Variants in WWP2 observed in about 807,000 individuals in gnomAD.
WWP2 encodes the protein WW domain containing E3 ubiquitin protein ligase 2.
WWP2 carries 57 observed loss-of-function variants against 121.0 expected under a neutral mutation model. The observed-to-expected ratio is 0.47, with a 90% CI of 0.38 to 0.59. The LOEUF (loss-of-function observed/expected upper bound fraction) is 0.59. Ranked by LOEUF, WWP2 falls within the 20% of genes least tolerant of loss-of-function variation. The pLI is 0.00. For missense variants in WWP2, 962 were observed against 1,158.9 expected (o/e 0.83, Z 2.47); for synonymous variants, 449 against 441.3 (o/e 1.02, Z -0.22).
chr16:69,814,778 G>A (rs1211247575), intron 4 of WWP2, among the ~76,000 whole-genome samples: 2 of 152,130 alleles, frequency 1.3e-5, no homozygotes, highest in African/African-American at 2.4e-5. Flanking sequence ...TGGTGGATGG[G>A]CCGTGGGTCT....
At chr16:69,773,178 G>A (rs970491156) in intron 1 of WWP2, among the ~76,000 whole-genome samples, 2 of 151,392 alleles carry the variant, frequency 1.3e-5, no homozygotes, top group South Asian at 4.2e-4. Flanking sequence ...ACCGATACAC[G>A]TTGCTCCTTT....
At chr16:69,795,822 AT>A (rs1417900802) in intron 2 of WWP2, among the ~76,000 whole-genome samples, 1 of 151,362 alleles carries the variant, frequency 6.6e-6, no homozygotes, top group Non-Finnish European at 1.5e-5. Context: ...TAGTTTTTGT[AT>A]TTTTGGTAGA....
At chr16:69,901,487 A>G (rs905040214) in intron 8 of WWP2, among the ~76,000 whole-genome samples, 1 of 152,114 alleles carries the variant, frequency 6.6e-6, no homozygotes, top group South Asian at 2.1e-4. Context: ...ATCTCAGCTC[A>G]TTGCAAGCTC....
chr16:69,803,907 C>CA lies in WWP2; in HGVS notation c.340+4621dup, dbSNP rs55693243. On this transcript the variant is annotated intron_variant, in intron 4 of 23. Coordinates refer to ENST00000359154, the MANE Select transcript of WWP2 (RefSeq NM_001270454.2). ...TGGATGACAGAGCAAGACTCCGTCTCAAAAAAAAATAAAGTAAAGGAATAA... is the reference window on the plus strand; with the variant it reads ...TGGATGACAGAGCAAGACTCCGTCTCAAAAAAAAAATAAAGTAAAGGAATAA... Among the ~76,000 whole-genome samples, 11 of 150,350 alleles carry CA rather than the reference C, an allele frequency of 7.3e-5. No individual in the cohort carries two copies. The East Asian group carries it at 9.7e-4, about 13-fold the overall frequency.
chr16:69,798,274 A>G (rs2056088590), intron 2 of WWP2, among the ~76,000 whole-genome samples: 1 of 152,216 alleles, frequency 6.6e-6, no homozygotes, highest in Non-Finnish European at 1.5e-5. Flanking sequence ...AGAGCGAACA[A>G]TTGCAAGCAG....
At chr16:69,861,637 G>A (rs754989311) in intron 6 of WWP2, among the ~76,000 whole-genome samples, 1 of 129,518 alleles carries the variant, frequency 7.7e-6, no homozygotes, top group Non-Finnish European at 1.6e-5. Context: ...CCTTTTACCC[G>A]CCCTCTCCTT....
At chr16:69,882,115 C>T (rs2057841619) in intron 7 of WWP2, among the ~76,000 whole-genome samples, 1 of 152,050 alleles carries the variant, frequency 6.6e-6, no homozygotes, top group African/African-American at 2.4e-5. Flanking sequence ...CCACCGCGCC[C>T]AGCCTAAGTT....
intron 1 of WWP2, among the ~76,000 whole-genome samples, chr16:69,765,253 T>TC (rs920008433): frequency 2.0e-5 from 3 of 152,120 alleles, no homozygotes; most frequent in African/African-American, 7.2e-5. Flanking sequence ...TCTTTTTTTT[T>TC]CCCACTTAAC....
intron 6 of WWP2, among the ~76,000 whole-genome samples, chr16:69,845,151 TG>T (rs1189114655): frequency 1.3e-5 from 2 of 152,016 alleles, no homozygotes; most frequent in Non-Finnish European, 2.9e-5. Flanking sequence ...AGGTGTAAAG[TG>T]GGGGTATCAC....
chr16:69,778,062 C>A (rs1333729958), intron 1 of WWP2, among the ~76,000 whole-genome samples: 1 of 125,902 alleles, frequency 7.9e-6, no homozygotes, highest in Non-Finnish European at 1.6e-5. Flanking sequence ...CAGAGTGAAA[C>A]CCTGTCTCAA....
chr16:69,774,000 A>G (rs2151771598), intron 1 of WWP2, among the ~76,000 whole-genome samples: 1 of 152,112 alleles, frequency 6.6e-6, no homozygotes, highest in Non-Finnish European at 1.5e-5. Flanking sequence ...CCCACCCCAG[A>G]CCAATTAAAT....
chr16:69,862,470 C>T (rs930789391), intron 6 of WWP2, among the ~76,000 whole-genome samples: 1 of 148,842 alleles, frequency 6.7e-6, no homozygotes, highest in East Asian at 2.0e-4. Context: ...AGGCTGGTCT[C>T]GAACTCCTGA....
At chr16:69,813,719 T>C (rs1213170454) in intron 4 of WWP2, among the ~76,000 whole-genome samples, 3 of 152,188 alleles carry the variant, frequency 2.0e-5, no homozygotes, top group South Asian at 2.1e-4. Flanking sequence ...TCCTCCCACG[T>C]TGGCGTCCCA....
intron 6 of WWP2, among the ~76,000 whole-genome samples, chr16:69,844,860 A>G (rs151169961): frequency 6.0e-4 from 92 of 152,298 alleles, no homozygotes; most frequent in African/African-American, 2.2e-3. Flanking sequence ...TTCATTCTGC[A>G]CTCACATGGA....
At chr16:69,933,884 G>A (rs1276778638) in intron 16 of WWP2, 86 bp from the exon 17 acceptor site, 2 of 1,494,116 alleles carry the variant, frequency 1.3e-6, no homozygotes, top group Non-Finnish European at 1.8e-6. Flanking sequence ...ACTAACCTGA[G>A]ACACGATGGT....
At chr16:69,794,791 TAAAC>T (rs1214656134) in intron 2 of WWP2, among the ~76,000 whole-genome samples, 1 of 152,194 alleles carries the variant, frequency 6.6e-6, no homozygotes, top group Non-Finnish European at 1.5e-5. Flanking sequence ...ACCAAAAAGT[TAAAC>T]AAACAAAAAT....
rs887799332 is a variant in WWP2, at chr16:69,798,651, A to G, written c.71-31A>G. The G allele has an allele frequency of 2.3e-5, 37 of 1,607,194 alleles. No individual in the cohort carries two copies. In the African/African-American group the frequency reaches 4.5e-4, roughly 20 times the overall value. On this transcript the variant is annotated intron_variant, in intron 2 of 23. Transcript: ENST00000359154. Reference sequence around the variant, plus strand: ...GGGGCATCTGGGAGCCCTGGGACTCATCTTTGACTTTTTCTTTCTTTCTCT... The same window carrying G: ...GGGGCATCTGGGAGCCCTGGGACTCGTCTTTGACTTTTTCTTTCTTTCTCT...
At chr16:69,933,842 A>T in intron 16 of WWP2, 128 bp from the exon 17 acceptor site, 2 of 1,096,232 alleles carry the variant, frequency 1.8e-6, no homozygotes, top group Non-Finnish European at 2.6e-6. Context: ...TGCTTGTCAC[A>T]GGGCTCGACT....
At chr16:69,786,214 G>A (rs1275583759) in intron 1 of WWP2, 1 of 149,668 alleles carries the variant, frequency 6.7e-6, no homozygotes, top group Non-Finnish European at 1.5e-5. Context: ...GCACGATCTC[G>A]GCTCACTGCA....
Sources: allele counts gnomAD v4.1 joint callset (sites outside exome capture counted in the v4.1 genomes callset), GRCh38; gene constraint gnomAD v4.1.1; transcripts MANE v1.5; gene names NCBI Gene and HGNC (gene_info 2026-07-23, HGNC 2026-07-21).